Variants in PCBD2 observed in about 807,000 individuals in gnomAD.
PCBD2 encodes pterin-4 alpha-carbinolamine dehydratase 2, also known as pterin-4-alpha-carbinolamine dehydratase 2.
A neutral mutation model predicts 16.4 loss-of-function variants in PCBD2; 12 were observed. That is an observed-to-expected ratio of 0.73 (90% CI 0.47 to 1.19). PCBD2 has a LOEUF of 1.19. PCBD2 is among the 50% of genes most tolerant of loss of function. The pLI is 0.00. For missense variants in PCBD2, 138 were observed against 156.8 expected, an observed-to-expected ratio of 0.88 and a Z score of 0.64; for synonymous variants, 58 against 61.8, an observed-to-expected ratio of 0.94 and a Z score of 0.29.
At chr5:134,906,926 T>C (rs1750698573) in intron 1 of PCBD2, among the ~76,000 whole-genome samples, 1 of 152,228 alleles carries the variant, frequency 6.6e-6, no homozygotes, top group Admixed American at 6.5e-5. Flanking sequence ...AGGGTTCTGC[T>C]GTGAATGTGC....
intron 2 of PCBD2, chr5:134,926,064 G>A (rs74531259): frequency 2.7e-6 from 1 of 364,002 alleles, no homozygotes; most frequent in Non-Finnish European, 4.9e-6. Flanking sequence ...TGTTAGCAGT[G>A]ACTAGGATTA....
rs531711488 is a variant in PCBD2, at chr5:134,927,991, A to C, written c.216+17525A>C. 9.7e-4 allele frequency: 383 copies of C among 396,362 alleles called. 2 individuals are homozygous for C. In the East Asian group the frequency reaches 0.013, roughly 14 times the overall value. The allele number at this position is 396,362 out of a possible 1,614,324, so 24.6% of individuals were successfully genotyped here. A position where few individuals can be genotyped will look rare whatever the true frequency, so the allele number is the denominator to read the frequency against. ...CAAATTATGTGTTTTTTGGAGAGTCATGTCAGTGGTAGTAATATAATTGTT... is the reference window on the plus strand; with the variant it reads ...CAAATTATGTGTTTTTTGGAGAGTCCTGTCAGTGGTAGTAATATAATTGTT... On this transcript the variant is annotated intron_variant, in intron 2 of 3. Transcript: ENST00000254908.
intron 2 of PCBD2, among the ~76,000 whole-genome samples, chr5:134,942,336 A>G (rs1319533889): frequency 6.6e-6 from 1 of 152,114 alleles, no homozygotes. Context: ...ACTTTGGGCA[A>G]GTGATTTAAC....
intron 2 of PCBD2, among the ~76,000 whole-genome samples, chr5:134,945,541 AT>A (rs1751282559): frequency 6.6e-6 from 1 of 152,208 alleles, no homozygotes; most frequent in Non-Finnish European, 1.5e-5. Context: ...ATGCGGAAAA[AT>A]TTGACTTAAG....
At chr5:134,924,047 C>A in intron 2 of PCBD2, 1 of 395,932 alleles carries the variant, frequency 2.5e-6, no homozygotes, top group South Asian at 1.3e-4. Context: ...GTATTGGGGT[C>A]ATTAGTGTTC....
At chr5:134,933,434 C>T (rs1213104897) in intron 2 of PCBD2, among the ~76,000 whole-genome samples, 1 of 152,068 alleles carries the variant, frequency 6.6e-6, no homozygotes, top group Non-Finnish European at 1.5e-5. Flanking sequence ...CTGGGTTTTG[C>T]CATATTGCGC....
At chr5:134,908,077 A>G (rs1750719123) in intron 1 of PCBD2, among the ~76,000 whole-genome samples, 1 of 149,186 alleles carries the variant, frequency 6.7e-6, no homozygotes, top group Non-Finnish European at 1.5e-5. Flanking sequence ...GGTCCACCAC[A>G]CCCGGCTATT....
intron 2 of PCBD2, among the ~76,000 whole-genome samples, chr5:134,941,934 C>T (rs527539662): frequency 1.6e-4 from 24 of 150,176 alleles, no homozygotes; most frequent in South Asian, 4.2e-4. Context: ...CTGGCTAACA[C>T]GGTGAAAGCC....
At chr5:134,939,934 T>A (rs1168039953) in intron 2 of PCBD2, among the ~76,000 whole-genome samples, 1 of 152,030 alleles carries the variant, frequency 6.6e-6, no homozygotes, top group African/African-American at 2.4e-5. Context: ...AAGAAATTTT[T>A]TTTTTTTTTT....
intron 2 of PCBD2, among the ~76,000 whole-genome samples, chr5:134,914,424 C>T (rs1750802889): frequency 6.6e-6 from 1 of 152,098 alleles, no homozygotes; most frequent in African/African-American, 2.4e-5. Context: ...TGGGGTCAAA[C>T]ATTTAAAGTG....
chr5:134,917,832 G>A (rs1362762541), intron 2 of PCBD2, among the ~76,000 whole-genome samples: 1 of 152,150 alleles, frequency 6.6e-6, no homozygotes, highest in African/African-American at 2.4e-5. Flanking sequence ...CTTTTCCTGT[G>A]TCCACAGAGA....
chr5:134,929,856 T>C (rs1481761636), intron 2 of PCBD2, among the ~76,000 whole-genome samples: 1 of 152,166 alleles, frequency 6.6e-6, no homozygotes, highest in East Asian at 1.9e-4. Flanking sequence ...CATGCCTGGC[T>C]AATTTTTAAA....
At chr5:134,925,726 G>A (rs1231436086) in intron 2 of PCBD2, 1 of 396,656 alleles carries the variant, frequency 2.5e-6, no homozygotes, top group East Asian at 3.6e-5. Flanking sequence ...GTGGAGTAGG[G>A]CTGAGACAGG....
At chr5:134,956,217 A>G (rs193074057) in intron 2 of PCBD2, among the ~76,000 whole-genome samples, 2 of 152,152 alleles carry the variant, frequency 1.3e-5, no homozygotes, top group South Asian at 2.1e-4. Flanking sequence ...TGCAAATATT[A>G]TGTGACAGTT....
intron 2 of PCBD2, among the ~76,000 whole-genome samples, chr5:134,914,690 A>G (rs115267431): frequency 0.016 from 2,457 of 149,574 alleles, 29 homozygotes; most frequent in South Asian, 0.041. Context: ...TTTTTTTTTC[A>G]GATGGAGTTT....
At chr5:134,944,125 G>T (rs1298282887) in intron 2 of PCBD2, among the ~76,000 whole-genome samples, 1 of 152,200 alleles carries the variant, frequency 6.6e-6, no homozygotes, top group African/African-American at 2.4e-5. Flanking sequence ...TCAGTGAATT[G>T]TTATCTGCCG....
At chr5:134,913,667 G>A (rs1750795549) in intron 2 of PCBD2, among the ~76,000 whole-genome samples, 1 of 152,208 alleles carries the variant, frequency 6.6e-6, no homozygotes, top group Admixed American at 6.5e-5. Flanking sequence ...AGAATAGGCG[G>A]TAGGAAGGTC....
intron 2 of PCBD2, among the ~76,000 whole-genome samples, chr5:134,931,768 A>C (rs997428451): frequency 6.6e-6 from 1 of 152,272 alleles, no homozygotes; most frequent in Non-Finnish European, 1.5e-5. Context: ...CAACTCTGCT[A>C]TTCAGAATTG....
chr5:134,941,535 T>C (rs951489045), intron 2 of PCBD2, among the ~76,000 whole-genome samples: 1 of 152,236 alleles, frequency 6.6e-6, no homozygotes, highest in South Asian at 2.1e-4. Flanking sequence ...TTAAAAGATA[T>C]ATTTGGTATA....
Sources: allele counts gnomAD v4.1 joint callset (sites outside exome capture counted in the v4.1 genomes callset), GRCh38; gene constraint gnomAD v4.1.1; transcripts MANE v1.5; gene names NCBI Gene and HGNC (gene_info 2026-07-23, HGNC 2026-07-21).